Variants in NUP98 observed in about 807,000 individuals in gnomAD.
NUP98 encodes nuclear pore complex protein Nup98-Nup96.
A neutral mutation model predicts 191.9 loss-of-function variants in NUP98; 26 were observed. The ratio of observed to expected loss-of-function variants is 0.14; its 90% CI spans 0.10 to 0.19. The LOEUF (loss-of-function observed/expected upper bound fraction) is 0.19. Ranked by LOEUF, NUP98 falls within the 10% of genes least tolerant of loss-of-function variation. The pLI is 1.00. For synonymous variants in NUP98, 808 were observed against 778.4 expected (o/e 1.04, Z -0.63); for missense variants, 1,941 against 2,178.8 (o/e 0.89, Z 2.17).
intron 29 of NUP98, among the ~76,000 whole-genome samples, chr11:3,684,766 C>CAAAAAAAAAAAAA (rs71041370): frequency 2.0e-4 from 20 of 101,802 alleles, no homozygotes; most frequent in African/African-American, 5.4e-4. Flanking sequence ...TTTCACAGGC[C>CAAAAAAAAAAAAA]AAAAAAAAAA....
At position 3,705,247 on chromosome 11, in the gene NUP98, G is replaced by A; in HGVS notation, c.3035C>T (p.Pro1012Leu). ...GTGGGATGCTGAAATGGGGAGTCTG[G>A]GAGAACAGATTTCTTGAGAAGTATC... is the stretch of plus-strand genomic sequence containing the variant. ...KADTSQEICS[P>L]RLPISASHSS... The change falls in exon 22 of 33, where the codon CCC becomes CTC. Residue 1012 changes from proline (P) to leucine (L), a missense_variant. By Grantham distance (98) the Pro-to-Leu change is moderately conservative. This residue lies in a region of NUP98 where 1,030 missense variants were observed against 1,115.8 expected (regional missense o/e 0.92). Transcript: ENST00000324932. 1 of 1,614,176 alleles carries A rather than the reference G, an allele frequency of 6.2e-7. No individual in the cohort carries two copies.
rs1255719685 is a variant in NUP98 at position 3,738,736 on chromosome 11, C to CCACAG, written c.1409-3417_1409-3413dup. Reference sequence around the variant, plus strand: ...GAGGCTGCAGTGAGCCAAGATGGTGCCACAGCACTCCAGCCTGGGTGACAG... The same window carrying CCACAG: ...GAGGCTGCAGTGAGCCAAGATGGTGCCACAGCACAGCACTCCAGCCTGGGTGACAG... On this transcript the variant is annotated intron_variant, in intron 12 of 32. Transcript: ENST00000324932. Among the ~76,000 whole-genome samples, 29 of 141,468 alleles carry CCACAG rather than the reference C, an allele frequency of 2.0e-4. 2 individuals are homozygous for CCACAG. Among genetic ancestry groups the CCACAG allele is most frequent in the Non-Finnish European group, 1.5e-5 (1 of 66,810 alleles). The allele number at this position is 141,468 out of a possible 152,430, so 92.8% of individuals were successfully genotyped here. A position where few individuals can be genotyped will look rare whatever the true frequency, so the allele number is the denominator to read the frequency against.
intron 13 of NUP98, among the ~76,000 whole-genome samples, chr11:3,733,081 C>T (rs888334079): frequency 6.6e-6 from 1 of 152,198 alleles, no homozygotes; most frequent in African/African-American, 2.4e-5. Flanking sequence ...ACCGTTTTAA[C>T]GCATCTACTT....
chr11:3,782,408 GTTTTCAATCTTT>G (rs1375510914), intron 1 of NUP98, among the ~76,000 whole-genome samples: 1 of 150,076 alleles, frequency 6.7e-6, no homozygotes, highest in East Asian at 1.9e-4. Flanking sequence ...TTAAAACAAT[GTTTTCAATCTTT>G]TTTTTTTTTT....
chr11:3,693,194 C>T (rs1381778584), intron 27 of NUP98, 38 bp downstream of exon 27: 5 of 1,609,078 alleles, frequency 3.1e-6, no homozygotes, highest in Admixed American at 1.7e-5. Flanking sequence ...CTTTAACACC[C>T]AGCAAGATTT....
At chr11:3,722,073 C>T (rs147838385) in intron 16 of NUP98, among the ~76,000 whole-genome samples, 3 of 143,708 alleles carry the variant, frequency 2.1e-5, no homozygotes, top group African/African-American at 7.6e-5. Context: ...TGTAGAGATA[C>T]ATACACAAAT....
At chr11:3,741,558 T>G (rs1024396266) in intron 12 of NUP98, among the ~76,000 whole-genome samples, 1 of 151,766 alleles carries the variant, frequency 6.6e-6, no homozygotes, top group Non-Finnish European at 1.5e-5. Context: ...GAGGCGGATA[T>G]AGAAGTGAGC....
At chr11:3,762,171 G>A (rs1454245940) in intron 9 of NUP98, among the ~76,000 whole-genome samples, 2 of 151,958 alleles carry the variant, frequency 1.3e-5, no homozygotes, top group Admixed American at 6.6e-5. Flanking sequence ...GTGCAATAGC[G>A]CGATCTCGGG....
At chr11:3,768,068 T>C (rs191382656) in intron 8 of NUP98, among the ~76,000 whole-genome samples, 2 of 152,244 alleles carry the variant, frequency 1.3e-5, no homozygotes, top group South Asian at 2.1e-4. Context: ...ATCGCCTCAA[T>C]AGCATCTCAA....
intron 28 of NUP98, 37 bp downstream of exon 28, chr11:3,691,310 A>G (rs2078303261): frequency 2.5e-6 from 4 of 1,613,068 alleles, no homozygotes; most frequent in South Asian, 2.2e-5. Flanking sequence ...GGGCTCATGG[A>G]GCACTCAAGT....
At chr11:3,754,688 T>A (rs1286304414) in intron 10 of NUP98, among the ~76,000 whole-genome samples, 2 of 152,062 alleles carry the variant, frequency 1.3e-5, no homozygotes, top group African/African-American at 4.8e-5. Flanking sequence ...ACAACTGTAA[T>A]CCCAGCACTC....
intron 25 of NUP98, 40 bp from the exon 26 acceptor site, chr11:3,695,646 T>C (rs765283925): frequency 7.2e-7 from 1 of 1,388,112 alleles, no homozygotes; most frequent in South Asian, 1.6e-5. Context: ...TTACTAAGGG[T>C]TTATGGACTT....
At chr11:3,703,555 T>C (rs968647442) in intron 22 of NUP98, among the ~76,000 whole-genome samples, 1 of 152,092 alleles carries the variant, frequency 6.6e-6, no homozygotes, top group African/African-American at 2.4e-5. Context: ...ATCATTCCTA[T>C]TGTATATATG....
At chr11:3,761,617 G>C (rs1279292300) in intron 9 of NUP98, among the ~76,000 whole-genome samples, 3 of 152,122 alleles carry the variant, frequency 2.0e-5, no homozygotes, top group Non-Finnish European at 4.4e-5. Context: ...AAATCAGCTG[G>C]GCGCAGTGGC....
In NUP98 at chr11:3,797,470, G is replaced by T; in HGVS notation, c.-99C>A. 2.4e-6 allele frequency: 1 copy of T among 423,366 alleles called. No homozygotes were observed. Among genetic ancestry groups the T allele is most frequent in the Non-Finnish European group, 4.2e-6 (1 of 240,710 alleles). 26.2% of individuals were successfully genotyped at this position (423,366 alleles called of 1,614,324 possible). ...ACCCGCCGCTCACAGAGCAGCGCGC[G>T]GCCCCCACGAAACCGTCGCCGCCGC... On this transcript the variant is annotated 5_prime_UTR_variant, in exon 1 of 33. Transcript: ENST00000324932.
rs988206749 is a variant in NUP98, at chr11:3,706,744, T to A, written c.2743-117A>T. The A allele has an allele frequency of 1.0e-5, 10 of 997,530 alleles. No individual in the cohort carries two copies. In the Admixed American group the frequency reaches 1.9e-4, roughly 19 times the overall value. The allele number at this position is 997,530 out of a possible 1,614,324, so 61.8% of individuals were successfully genotyped here. A position where few individuals can be genotyped will look rare whatever the true frequency, so the allele number is the denominator to read the frequency against. On this transcript the variant is annotated intron_variant, in intron 20 of 32. Transcript: ENST00000324932. ...ACAACAATTATTAGATTCAGCCCATTCTATGGTGAGGTAAGGTAGCAGATT... is the reference window on the plus strand; with the variant it reads ...ACAACAATTATTAGATTCAGCCCATACTATGGTGAGGTAAGGTAGCAGATT...
intron 11 of NUP98, among the ~76,000 whole-genome samples, chr11:3,746,739 C>A (rs1268531472): frequency 1.3e-5 from 2 of 151,608 alleles, no homozygotes; most frequent in Non-Finnish European, 2.9e-5. Flanking sequence ...ATGGAGAAAC[C>A]CTGTCTCCAC....
At chr11:3,776,089 A>T in intron 4 of NUP98, 68 bp from the exon 5 acceptor site, 1 of 1,214,282 alleles carries the variant, frequency 8.2e-7, no homozygotes, top group Non-Finnish European at 1.2e-6. Flanking sequence ...ATGCATTGGA[A>T]TTGGGCTATG....
chr11:3,705,176 A>T (rs751931452), intron 22 of NUP98, 24 bp downstream of exon 22: 1 of 1,611,914 alleles, frequency 6.2e-7, no homozygotes, highest in Non-Finnish European at 8.5e-7. Flanking sequence ...GCTTTCTTGT[A>T]AAATAGCATC....
Sources: gnomAD v4.1 joint callset for allele counts (sites outside exome capture counted in the v4.1 genomes callset) on GRCh38, gnomAD v4.1.1 for gene constraint, gnomAD v4.1.1 regional missense constraint, MANE v1.5 for transcripts, NCBI Gene and HGNC (gene_info 2026-07-23, HGNC 2026-07-21) for gene names.